Variants in GNAQ observed in about 807,000 individuals in gnomAD.
The protein encoded by GNAQ is G protein subunit alpha q.
In GNAQ, 8 loss-of-function variants were observed where a neutral mutation model predicts 43.9. The ratio of observed to expected loss-of-function variants is 0.18; its 90% CI spans 0.11 to 0.33. GNAQ has a LOEUF of 0.33. Ranked by LOEUF, GNAQ falls within the 10% of genes least tolerant of loss-of-function variation. The probability of loss-of-function intolerance (pLI) is 1.00; values close to 1 mark genes in which losing one functional copy is unlikely to be tolerated. For synonymous variants in GNAQ, 155 were observed against 170.7 expected, an observed-to-expected ratio of 0.91 and a Z score of 0.71; for missense variants, 158 against 450.8, an observed-to-expected ratio of 0.35 and a Z score of 5.88.
At position 77,924,874 on chromosome 9, in the gene GNAQ, G is replaced by A. The variant is rs540395976; in HGVS notation, c.137-2529C>T. Among the ~76,000 whole-genome samples the A allele has an allele frequency of 5.9e-5, 9 of 152,158 alleles. No homozygotes were observed. In the South Asian group the frequency reaches 6.2e-4, roughly 11 times the overall value. On this transcript the variant is annotated intron_variant, in intron 1 of 6. Transcript: ENST00000286548. ...ATCTCATCTTGCTGGGTACCCCCAG[G>A]AGGCTGACCAATAGGGATTTCAACA...
At chr9:77,898,619 A>G (rs201730920) in intron 2 of GNAQ, among the ~76,000 whole-genome samples, 47 of 107,796 alleles carry the variant, frequency 4.4e-4, no homozygotes, top group Admixed American at 2.4e-3. Context: ...ATGAATGAAT[A>G]AATGGATGGA....
intron 1 of GNAQ, among the ~76,000 whole-genome samples, chr9:77,935,475 G>T (rs1386384591): frequency 6.6e-6 from 1 of 152,150 alleles, no homozygotes; most frequent in Non-Finnish European, 1.5e-5. Context: ...TTTGTAAAAA[G>T]CCAATACATT....
intron 5 of GNAQ, among the ~76,000 whole-genome samples, chr9:77,771,920 A>C (rs1278162127): frequency 2.0e-5 from 3 of 151,984 alleles, no homozygotes; most frequent in African/African-American, 4.8e-5. Flanking sequence ...ACAAAAAAAA[A>C]CCCACCCTGG....
At chr9:77,927,628 G>C (rs1829088845) in intron 1 of GNAQ, among the ~76,000 whole-genome samples, 1 of 151,972 alleles carries the variant, frequency 6.6e-6, no homozygotes, top group African/African-American at 2.4e-5. Context: ...GCCTCTCACA[G>C]ACTGAGGGAA....
At chr9:77,732,385 C>T (rs1050860503) in intron 5 of GNAQ, among the ~76,000 whole-genome samples, 4 of 151,764 alleles carry the variant, frequency 2.6e-5, no homozygotes, top group African/African-American at 9.7e-5. Context: ...CCACCCCCAC[C>T]GAGATGGTGT....
intron 2 of GNAQ, among the ~76,000 whole-genome samples, chr9:77,878,652 A>G (rs1392952638): frequency 6.6e-6 from 1 of 151,944 alleles, no homozygotes; most frequent in Non-Finnish European, 1.5e-5. Flanking sequence ...AAAAAAAAAG[A>G]GAAGAGGGTA....
At chr9:77,845,898 G>A (rs774277709) in intron 2 of GNAQ, among the ~76,000 whole-genome samples, 2 of 152,234 alleles carry the variant, frequency 1.3e-5, no homozygotes, top group Non-Finnish European at 2.9e-5. Flanking sequence ...TAAAGAAAGA[G>A]TTGTTGCTTA....
At chr9:78,025,781 A>G (rs557645929) in intron 1 of GNAQ, among the ~76,000 whole-genome samples, 50 of 152,294 alleles carry the variant, frequency 3.3e-4, no homozygotes, top group African/African-American at 1.2e-3. Flanking sequence ...TTAACAGAAT[A>G]TTAGTAGAAT....
intron 2 of GNAQ, among the ~76,000 whole-genome samples, chr9:77,900,338 AATAGAAGCTTATTG>A (rs1828582384): frequency 2.0e-5 from 3 of 152,234 alleles, no homozygotes; most frequent in Admixed American, 2.0e-4. Flanking sequence ...ATTTTACTGC[AATAGAAGCTTATTG>A]CTAAAATGAG....
At chr9:77,874,553 CA>C (rs1041195320) in intron 2 of GNAQ, among the ~76,000 whole-genome samples, 2 of 152,158 alleles carry the variant, frequency 1.3e-5, no homozygotes, top group South Asian at 2.1e-4. Flanking sequence ...CTATGTCCCT[CA>C]AAATCCCTTG....
At chr9:78,018,020 T>C (rs562935778) in intron 1 of GNAQ, among the ~76,000 whole-genome samples, 2 of 152,108 alleles carry the variant, frequency 1.3e-5, no homozygotes, top group South Asian at 2.1e-4. Flanking sequence ...ATAACCAAGG[T>C]TGTAAAATTT....
chr9:77,967,997 A>G (rs1823190788), intron 1 of GNAQ, among the ~76,000 whole-genome samples: 1 of 152,156 alleles, frequency 6.6e-6, no homozygotes, highest in Non-Finnish European at 1.5e-5. Flanking sequence ...ATAATAATAA[A>G]CAACAACAAA....
intron 3 of GNAQ, among the ~76,000 whole-genome samples, chr9:77,809,597 T>C (rs1043901445): frequency 6.6e-6 from 1 of 152,232 alleles, no homozygotes; most frequent in African/African-American, 2.4e-5. Context: ...CCTAGGATCT[T>C]AGAATGCTTT....
intron 2 of GNAQ, among the ~76,000 whole-genome samples, chr9:77,894,836 A>C (rs1240012182): frequency 6.6e-6 from 1 of 152,098 alleles, no homozygotes; most frequent in African/African-American, 2.4e-5. Context: ...TAATAAACTT[A>C]AGAAGAATGC....
intron 1 of GNAQ, among the ~76,000 whole-genome samples, chr9:78,018,671 C>A (rs936673823): frequency 2.6e-5 from 4 of 152,014 alleles, no homozygotes; most frequent in African/African-American, 9.7e-5. Context: ...TTTCTCCTTA[C>A]CAAACTTTTT....
chr9:77,950,616 GA>G (rs570767871), intron 1 of GNAQ, among the ~76,000 whole-genome samples: 275 of 152,342 alleles, frequency 1.8e-3, no homozygotes, highest in Admixed American at 4.1e-3. Flanking sequence ...TGGGGAAGGA[GA>G]AGGAAGCTTC....
intron 1 of GNAQ, among the ~76,000 whole-genome samples, chr9:78,024,655 C>G (rs1428704869): frequency 2.0e-5 from 3 of 152,186 alleles, no homozygotes; most frequent in Non-Finnish European, 4.4e-5. Flanking sequence ...GTCAGAAGGG[C>G]ATGTCAGTAC....
At chr9:77,933,197 C>A (rs944041507) in intron 1 of GNAQ, among the ~76,000 whole-genome samples, 4 of 152,148 alleles carry the variant, frequency 2.6e-5, no homozygotes, top group Admixed American at 2.0e-4. Context: ...AAGGCAAGGA[C>A]ACAGACATGA....
intron 1 of GNAQ, among the ~76,000 whole-genome samples, chr9:78,016,152 C>A (rs991300831): frequency 6.6e-6 from 1 of 151,976 alleles, no homozygotes; most frequent in Admixed American, 6.6e-5. Flanking sequence ...AGAAAAGAGA[C>A]GTAAATTTTT....
Sources: gnomAD v4.1 joint callset for allele counts (sites outside exome capture counted in the v4.1 genomes callset) on GRCh38, gnomAD v4.1.1 for gene constraint, MANE v1.5 for transcripts, NCBI Gene and HGNC (gene_info 2026-07-23, HGNC 2026-07-21) for gene names.